PPFIA2: variants seen among roughly 807,000 people sequenced by gnomAD.
PPFIA2 encodes the protein liprin-alpha-2.
Under a neutral mutation model 175.5 loss-of-function variants are expected in PPFIA2, and 46 were observed. That is an observed-to-expected ratio of 0.26 (90% CI 0.21 to 0.34). The LOEUF is 0.34. PPFIA2 is among the 10% of genes least tolerant of loss of function. The pLI is 1.00. For missense variants in PPFIA2, 1,179 were observed against 1,506.1 expected (o/e 0.78, Z 3.60); for synonymous variants, 568 against 511.4 (o/e 1.11, Z -1.49).
chr12:81,598,009 G>A (rs1484561555), intron 4 of PPFIA2: 5 of 1,534,972 alleles, frequency 3.3e-6, no homozygotes, highest in African/African-American at 1.4e-5. Flanking sequence ...AGCCAGAAAC[G>A]GTGTTCATAT....
At chr12:81,472,875 G>A (rs2056948269) in intron 4 of PPFIA2, 1 of 152,168 alleles carries the variant, frequency 6.6e-6, no homozygotes, top group Non-Finnish European at 1.5e-5. Flanking sequence ...AGTAGAAGCA[G>A]AAAGAATCTC....
chr12:81,297,094 C>A (rs190624273), intron 23 of PPFIA2, among the ~76,000 whole-genome samples: 1 of 152,250 alleles, frequency 6.6e-6, no homozygotes, highest in Admixed American at 6.5e-5. Context: ...TGACAAGGAA[C>A]TAATGTTTCT....
chr12:81,623,096 G>GA (rs1230025378), intron 4 of PPFIA2, among the ~76,000 whole-genome samples: 1 of 152,072 alleles, frequency 6.6e-6, no homozygotes, highest in East Asian at 1.9e-4. Context: ...CTTGGGGAAA[G>GA]AAGAAGTTGA....
intron 3 of PPFIA2, among the ~76,000 whole-genome samples, chr12:81,750,659 C>A (rs1200169339): frequency 1.3e-5 from 2 of 151,954 alleles, no homozygotes; most frequent in Admixed American, 6.6e-5. Context: ...CGCAGATATA[C>A]CCAAAGACAT....
rs1001785024 is a variant in PPFIA2 at position 81,258,262 on chromosome 12, G to A, written c.*1432C>T. ...GACTAGAAAACAAAGCTTAAACAGA[G>A]AACTGGAATTATTATTTTTTTTATT... On this transcript the variant is annotated 3_prime_UTR_variant, in exon 33 of 33. Transcript: ENST00000549396. 1 of 152,018 alleles carries A rather than the reference G, an allele frequency of 6.6e-6. No individual in the cohort carries two copies. The highest frequency in any genetic ancestry group is 1.5e-5 in the Non-Finnish European group (1 of 67,978). 9.4% of individuals were successfully genotyped at this position (152,018 alleles called of 1,614,324 possible). A position where few individuals can be genotyped will look rare whatever the true frequency, so the allele number is the denominator to read the frequency against.
intron 4 of PPFIA2, among the ~76,000 whole-genome samples, chr12:81,487,459 G>T (rs555482355): frequency 1.6e-4 from 24 of 151,892 alleles, no homozygotes; most frequent in African/African-American, 5.1e-4. Flanking sequence ...TGAGCACTTG[G>T]TAAGTGTTAA....
At position 81,748,047 on chromosome 12, in the gene PPFIA2, T is replaced by C. The variant is rs2083280711; in HGVS notation, c.249+5926A>G. On this transcript the variant is annotated intron_variant, in intron 3 of 32. Transcript: ENST00000549396. ...GAGTTTGAGAGAAATCAAGTGACTT[T>C]CCAATGGTCCTCCAGTTAACAAAGG... Among the ~76,000 whole-genome samples, 3 of 144,392 alleles carry C rather than the reference T, an allele frequency of 2.1e-5. 1 individual carries two copies. The highest frequency in any genetic ancestry group is 1.5e-4 in the Admixed American group (2 of 13,722). The allele number at this position is 144,392 out of a possible 152,430, so 94.7% of individuals were successfully genotyped here.
chr12:81,642,705 T>TATTATATACATACA lies in PPFIA2; in HGVS notation c.303+34085_303+34086insTGTATGTATATAAT, dbSNP rs1567687468. 9.7e-4 allele frequency among the ~76,000 whole-genome samples: 35 copies of TATTATATACATACA among 36,014 alleles called. 16 individuals carry two copies. In the South Asian group the frequency reaches 0.053, roughly 55 times the overall value. 23.6% of individuals were successfully genotyped at this position (36,014 alleles called of 152,430 possible). A position where few individuals can be genotyped will look rare whatever the true frequency, so the allele number is the denominator to read the frequency against. The stretch of plus-strand genomic sequence containing the variant: ...TATCTATTATATACATACATGTATA[T>TATTATATACATACA]GTATGTATGTATTATATACATACAT... On this transcript the variant is annotated intron_variant, in intron 4 of 32. Coordinates refer to ENST00000549396, the MANE Select transcript of PPFIA2 (RefSeq NM_003625.5).
chr12:81,448,683 C>T (rs1350416002), intron 5 of PPFIA2, among the ~76,000 whole-genome samples: 3 of 152,178 alleles, frequency 2.0e-5, no homozygotes, highest in African/African-American at 7.2e-5. Flanking sequence ...TTTTAACAGG[C>T]TAAACATCCA....
At chr12:81,653,325 G>T (rs2067287661) in intron 4 of PPFIA2, among the ~76,000 whole-genome samples, 1 of 152,034 alleles carries the variant, frequency 6.6e-6, no homozygotes, top group Non-Finnish European at 1.5e-5. Context: ...TTTGCCTTTA[G>T]CTCACTACAT....
intron 4 of PPFIA2, among the ~76,000 whole-genome samples, chr12:81,466,205 T>C (rs1022113261): frequency 2.0e-5 from 3 of 152,174 alleles, no homozygotes; most frequent in Admixed American, 2.0e-4. Context: ...TCCATGTGCA[T>C]TATATTTTGT....
intron 22 of PPFIA2, among the ~76,000 whole-genome samples, chr12:81,311,664 C>G (rs962488934): frequency 7.0e-6 from 1 of 141,914 alleles, no homozygotes; most frequent in African/African-American, 2.6e-5. Flanking sequence ...ACCTGGGAGG[C>G]GGAGCTTGCA....
intron 21 of PPFIA2, among the ~76,000 whole-genome samples, chr12:81,337,526 T>C (rs1436751973): frequency 6.6e-6 from 1 of 152,190 alleles, no homozygotes; most frequent in Non-Finnish European, 1.5e-5. Context: ...TTCTAGACTT[T>C]AACTTATATC....
intron 7 of PPFIA2, among the ~76,000 whole-genome samples, chr12:81,410,139 C>A (rs1384344647): frequency 6.6e-6 from 1 of 152,162 alleles, no homozygotes; most frequent in Non-Finnish European, 1.5e-5. Flanking sequence ...CCTTCCAAAT[C>A]TGCTGATGCC....
At chr12:81,743,490 T>A (rs1316865232) in intron 3 of PPFIA2, among the ~76,000 whole-genome samples, 1 of 128,298 alleles carries the variant, frequency 7.8e-6, no homozygotes, top group African/African-American at 3.0e-5. Flanking sequence ...GGCATCTTGG[T>A]AGAGTGGTGG....
intron 4 of PPFIA2, among the ~76,000 whole-genome samples, chr12:81,582,735 A>C (rs2074601067): frequency 6.6e-6 from 1 of 151,846 alleles, no homozygotes; most frequent in Non-Finnish European, 1.5e-5. Flanking sequence ...ACAAGGTAAA[A>C]AAAAATCTTC....
intron 7 of PPFIA2, chr12:81,430,832 C>T (rs1218052186): frequency 6.6e-6 from 1 of 152,122 alleles, no homozygotes; most frequent in Non-Finnish European, 1.5e-5. Context: ...TGTAATGCCC[C>T]CAAAATGTGT....
chr12:81,396,621 AT>A (rs1165593888), intron 8 of PPFIA2, among the ~76,000 whole-genome samples: 1 of 152,082 alleles, frequency 6.6e-6, no homozygotes, highest in African/African-American at 2.4e-5. Context: ...GTTCAGATAT[AT>A]GGTTTAAAAC....
At chr12:81,486,849 A>T (rs1010563687) in intron 4 of PPFIA2, among the ~76,000 whole-genome samples, 1 of 151,858 alleles carries the variant, frequency 6.6e-6, no homozygotes, top group Non-Finnish European at 1.5e-5. Context: ...CAATTTTTTG[A>T]TGAGGAAATA....
Sources: allele counts gnomAD v4.1 joint callset (sites outside exome capture counted in the v4.1 genomes callset), GRCh38; gene constraint gnomAD v4.1.1; transcripts MANE v1.5; gene names NCBI Gene and HGNC (gene_info 2026-07-23, HGNC 2026-07-21).